The following MAGI2 variants were observed in gnomAD, a reference collection of about 807,000 sequenced individuals.
MAGI2 encodes membrane associated guanylate kinase, WW and PDZ domain containing 2.
MAGI2 carries 35 observed loss-of-function variants against 133.3 expected under a neutral mutation model. That is an observed-to-expected ratio of 0.26 (90% CI 0.20 to 0.35). The LOEUF (loss-of-function observed/expected upper bound fraction) is 0.35. Ranked by LOEUF, MAGI2 falls within the 10% of genes least tolerant of loss-of-function variation. The pLI, the probability that MAGI2 is intolerant of heterozygous loss-of-function variation, is 1.00. For missense variants in MAGI2, 1,636 were observed against 1,863.4 expected (o/e 0.88, Z 2.25); for synonymous variants, 729 against 710.6 (o/e 1.03, Z -0.41).
At chr7:79,183,297 A>C (rs898092313) in intron 1 of MAGI2, among the ~76,000 whole-genome samples, 1 of 151,882 alleles carries the variant, frequency 6.6e-6, no homozygotes, top group Non-Finnish European at 1.5e-5. Context: ...TATGCAACGA[A>C]ATTTCTCATG....
rs1584794942 is a variant in MAGI2, at chr7:78,302,767, C to T, written c.1408+41011G>A. 2.0e-5 allele frequency among the ~76,000 whole-genome samples: 3 copies of T among 152,294 alleles called. No homozygotes were observed. The East Asian group carries it at 5.8e-4, about 29-fold the overall frequency. On this transcript the variant is annotated intron_variant, in intron 9 of 21. Coordinates refer to ENST00000354212, the MANE Select transcript of MAGI2 (RefSeq NM_012301.4). ...TTATCATCTCTAAAACTCTTAATTC[C>T]TACTCCCCCATTCCCCACCAAGCTA...
intron 2 of MAGI2, among the ~76,000 whole-genome samples, chr7:78,854,542 G>C (rs1793456313): frequency 6.6e-6 from 1 of 151,932 alleles, no homozygotes. Context: ...AAAATGTTGA[G>C]TGTTGAATGT....
chr7:78,467,026 A>G (rs1422763188), intron 6 of MAGI2, among the ~76,000 whole-genome samples: 1 of 152,172 alleles, frequency 6.6e-6, no homozygotes, highest in Non-Finnish European at 1.5e-5. Flanking sequence ...AGGCACTATA[A>G]GTATTCAATT....
At chr7:79,227,087 C>A (rs560251170) in intron 1 of MAGI2, among the ~76,000 whole-genome samples, 5 of 152,204 alleles carry the variant, frequency 3.3e-5, no homozygotes, top group African/African-American at 1.2e-4. Context: ...GTTAAACATC[C>A]AATTTCAGGG....
intron 2 of MAGI2, among the ~76,000 whole-genome samples, chr7:78,636,062 G>A (rs1809608292): frequency 6.6e-6 from 1 of 152,120 alleles, no homozygotes; most frequent in Non-Finnish European, 1.5e-5. Flanking sequence ...GGATTGGTTT[G>A]AGGTAAAAAA....
intron 2 of MAGI2, among the ~76,000 whole-genome samples, chr7:78,892,818 G>T (rs890115948): frequency 2.0e-5 from 3 of 151,984 alleles, no homozygotes; most frequent in East Asian, 1.9e-4. Context: ...CATAGGCATG[G>T]GCAAGGACTT....
At chr7:79,095,760 T>A (rs1455863665) in intron 1 of MAGI2, among the ~76,000 whole-genome samples, 3 of 152,180 alleles carry the variant, frequency 2.0e-5, no homozygotes, top group African/African-American at 7.2e-5. Context: ...AGGTTACTGA[T>A]AATAGATCAT....
intron 2 of MAGI2, among the ~76,000 whole-genome samples, chr7:78,877,978 T>A (rs1363196281): frequency 1.3e-5 from 2 of 152,160 alleles, no homozygotes; most frequent in Non-Finnish European, 2.9e-5. Context: ...ATGTCTTATA[T>A]CCTCAAAATG....
At chr7:79,108,692 T>G (rs1193097229) in intron 1 of MAGI2, among the ~76,000 whole-genome samples, 1 of 152,192 alleles carries the variant, frequency 6.6e-6, no homozygotes, top group Admixed American at 6.5e-5. Flanking sequence ...ATTTATAATT[T>G]CATGGGAAAA....
intron 2 of MAGI2, among the ~76,000 whole-genome samples, chr7:78,929,576 G>C (rs970870169): frequency 3.3e-5 from 5 of 151,946 alleles, no homozygotes; most frequent in African/African-American, 9.7e-5. Context: ...GCCTGTATTT[G>C]CTGATCTGTG....
intron 1 of MAGI2, among the ~76,000 whole-genome samples, chr7:79,211,424 A>G (rs1377344522): frequency 6.6e-6 from 1 of 151,030 alleles, no homozygotes; most frequent in Non-Finnish European, 1.5e-5. Flanking sequence ...ACTACAGTGC[A>G]CCACTATGTC....
At chr7:79,270,666 A>T (rs1834810332) in intron 1 of MAGI2, among the ~76,000 whole-genome samples, 2 of 152,144 alleles carry the variant, frequency 1.3e-5, no homozygotes, top group African/African-American at 4.8e-5. Context: ...CTCATCAGTG[A>T]CACATGCCAG....
chr7:78,540,873 G>A (rs554722789), intron 3 of MAGI2, among the ~76,000 whole-genome samples: 5 of 152,214 alleles, frequency 3.3e-5, no homozygotes, highest in Admixed American at 2.6e-4. Context: ...CTGGATTTTC[G>A]GGTTCCCCAG....
intron 3 of MAGI2, among the ~76,000 whole-genome samples, chr7:78,605,516 T>C (rs1245139961): frequency 6.6e-6 from 1 of 152,232 alleles, no homozygotes; most frequent in African/African-American, 2.4e-5. Flanking sequence ...TGAGTACTTA[T>C]TATATGCTAT....
intron 2 of MAGI2, among the ~76,000 whole-genome samples, chr7:78,731,356 A>T (rs1438309081): frequency 1.3e-5 from 2 of 152,150 alleles, no homozygotes; most frequent in African/African-American, 4.8e-5. Flanking sequence ...CTTTATCTCT[A>T]CTTGGTTTCT....
At chr7:78,113,767 G>A (rs1378238968) in intron 20 of MAGI2, among the ~76,000 whole-genome samples, 1 of 152,152 alleles carries the variant, frequency 6.6e-6, no homozygotes, top group African/African-American at 2.4e-5. Flanking sequence ...AGAGATGCAT[G>A]CCTGTATTTT....
chr7:78,927,650 T>C (rs536104574), intron 2 of MAGI2, among the ~76,000 whole-genome samples: 143 of 152,102 alleles, frequency 9.4e-4, no homozygotes, highest in Non-Finnish European at 1.6e-3. Context: ...TTCCTTTTTT[T>C]AGCCTTTTTC....
intron 1 of MAGI2, among the ~76,000 whole-genome samples, chr7:79,081,420 A>G (rs1816025943): frequency 6.6e-6 from 1 of 152,164 alleles, no homozygotes; most frequent in South Asian, 2.1e-4. Context: ...GCCAAAGTGT[A>G]TGCTCCATAA....
At chr7:78,513,385 C>T (rs2150563843) in intron 4 of MAGI2, among the ~76,000 whole-genome samples, 1 of 152,164 alleles carries the variant, frequency 6.6e-6, no homozygotes, top group East Asian at 1.9e-4. Context: ...AGACCTTATG[C>T]CCTCTTCAAA....
Sources: gnomAD v4.1 joint callset for allele counts (sites outside exome capture counted in the v4.1 genomes callset) on GRCh38, gnomAD v4.1.1 for gene constraint, MANE v1.5 for transcripts, NCBI Gene and HGNC (gene_info 2026-07-23, HGNC 2026-07-21) for gene names.